ZNF451: variants seen among roughly 807,000 people sequenced by gnomAD.
The protein encoded by ZNF451 is E3 SUMO-protein ligase ZNF451.
A neutral mutation model predicts 107.1 loss-of-function variants in ZNF451; 80 were observed. The observed-to-expected ratio is 0.75, with a 90% CI of 0.62 to 0.90. The LOEUF (loss-of-function observed/expected upper bound fraction) is 0.90, where lower values mean the gene tolerates loss of function less well. Among genes scored for constraint, ZNF451 ranks in the 40% least tolerant of loss-of-function variants. The probability of loss-of-function intolerance (pLI) is 0.00; values close to 1 mark genes in which losing one functional copy is unlikely to be tolerated. For missense variants in ZNF451, 1,107 were observed against 1,236.2 expected, an observed-to-expected ratio of 0.90 and a Z score of 1.57; for synonymous variants, 362 against 406.5, an observed-to-expected ratio of 0.89 and a Z score of 1.32.
chr6:57,112,569 C>T (rs1188415456), intron 3 of ZNF451, among the ~76,000 whole-genome samples: 1 of 152,116 alleles, frequency 6.6e-6, no homozygotes, highest in Non-Finnish European at 1.5e-5. Flanking sequence ...TACCTTCTTC[C>T]CTCCTACAAA....
chr6:57,130,260 G>C (rs1186365562), intron 5 of ZNF451, among the ~76,000 whole-genome samples: 1 of 152,046 alleles, frequency 6.6e-6, no homozygotes, highest in Non-Finnish European at 1.5e-5. Context: ...AAATTATATG[G>C]CACTCCAGAT....
chr6:57,094,271 G>T (rs951686045), intron 2 of ZNF451, among the ~76,000 whole-genome samples: 1 of 151,958 alleles, frequency 6.6e-6, no homozygotes, highest in Non-Finnish European at 1.5e-5. Flanking sequence ...GTGGTATTGG[G>T]AATAGAATTC....
At chr6:57,165,424 G>C (rs993549660) in intron 14 of ZNF451, 6 of 151,972 alleles carry the variant, frequency 3.9e-5, no homozygotes, top group African/African-American at 1.5e-4. Context: ...TTTTCTTTCT[G>C]TTCCTCATAC....
chr6:57,112,989 T>A (rs1472048771), intron 3 of ZNF451, among the ~76,000 whole-genome samples: 2 of 152,200 alleles, frequency 1.3e-5, no homozygotes, highest in Non-Finnish European at 2.9e-5. Context: ...TTTTTGTTCC[T>A]TTTTCTTTTT....
chr6:57,119,348 G>A (rs2127955389), intron 3 of ZNF451, among the ~76,000 whole-genome samples: 1 of 152,278 alleles, frequency 6.6e-6, no homozygotes, highest in East Asian at 1.9e-4. Flanking sequence ...CCAACATGGA[G>A]AAACCCCATC....
intron 3 of ZNF451, chr6:57,103,740 A>G: frequency 2.0e-6 from 2 of 985,304 alleles, no homozygotes; most frequent in African/African-American, 1.7e-5. Context: ...GGAATATGGC[A>G]CTGTTTTACG....
At chr6:57,107,875 G>A (rs548359938) in intron 3 of ZNF451, 32 of 906,416 alleles carry the variant, frequency 3.5e-5, no homozygotes, top group Non-Finnish European at 3.9e-5. Context: ...GTCTTGCTCT[G>A]TCACCCAGGC....
At chr6:57,166,875 T>C (rs1052427363) in intron 14 of ZNF451, among the ~76,000 whole-genome samples, 26 of 152,338 alleles carry the variant, frequency 1.7e-4, no homozygotes, top group Middle Eastern at 3.4e-3. Flanking sequence ...TATAATCTTA[T>C]GGGACCACTG....
At chr6:57,109,783 G>A in intron 3 of ZNF451, 4 of 856,586 alleles carry the variant, frequency 4.7e-6, no homozygotes, top group Non-Finnish European at 5.6e-6. Context: ...TGTAGAATGA[G>A]GAGTTAGAGT....
intron 12 of ZNF451, among the ~76,000 whole-genome samples, chr6:57,153,621 C>T (rs1832450958): frequency 2.6e-5 from 4 of 152,038 alleles, no homozygotes; most frequent in Non-Finnish European, 5.9e-5. Context: ...CCATGTTGGC[C>T]GGGCTGGTCT....
At chr6:57,143,823 A>AT (rs977913417) in intron 9 of ZNF451, among the ~76,000 whole-genome samples, 1 of 152,174 alleles carries the variant, frequency 6.6e-6, no homozygotes, top group Non-Finnish European at 1.5e-5. Flanking sequence ...TGACAAATGG[A>AT]TTTTTTTAAC....
At position 57,168,625 on chromosome 6, in the gene ZNF451, G is replaced by A; in HGVS notation, c.*156G>A. Reference sequence around the variant, plus strand: ...ATGTTCAAAATCTGATCTTTGTTTTGTATTTTTGTGCTAATGTGCAAACAT... The same window carrying A: ...ATGTTCAAAATCTGATCTTTGTTTTATATTTTTGTGCTAATGTGCAAACAT... On this transcript the variant is annotated 3_prime_UTR_variant, in exon 15 of 15. Transcript: ENST00000370706. The A allele has an allele frequency of 1.5e-6, 1 of 649,818 alleles. No individual in the cohort carries two copies. Among genetic ancestry groups the A allele is most frequent in the Non-Finnish European group, 2.7e-6 (1 of 375,086 alleles). The allele number at this position is 649,818 out of a possible 1,614,324, so 40.3% of individuals were successfully genotyped here.
At chr6:57,141,187 A>G (rs1831738474) in intron 7 of ZNF451, 115 bp from the exon 8 acceptor site, 1 of 820,814 alleles carries the variant, frequency 1.2e-6, no homozygotes, top group African/African-American at 1.8e-5. Flanking sequence ...TTTCATGTTA[A>G]AAATTGATAC....
chr6:57,168,385 C>A, intron 14 of ZNF451, 38 bp from the exon 15 acceptor site: 1 of 1,456,190 alleles, frequency 6.9e-7, no homozygotes, highest in South Asian at 1.2e-5. Context: ...GTTGAGTTTT[C>A]TGCCCTAAGT....
chr6:57,101,141 C>T, intron 3 of ZNF451: 1 of 1,550,722 alleles, frequency 6.4e-7, no homozygotes, highest in Non-Finnish European at 8.7e-7. Flanking sequence ...TACAAATCAC[C>T]ATCAGCTGAT....
chr6:57,158,710 A>G, intron 13 of ZNF451: 1 of 985,468 alleles, frequency 1.0e-6, no homozygotes, highest in South Asian at 4.7e-5. Context: ...TTGGGCCAGT[A>G]TCTGCTCCCT....
chr6:57,119,880 A>T (rs1252398565), intron 3 of ZNF451, among the ~76,000 whole-genome samples: 4 of 151,466 alleles, frequency 2.6e-5, no homozygotes, highest in Non-Finnish European at 1.5e-5. Context: ...GTAGGTAAAC[A>T]GTGATTTATA....
chr6:57,126,471 T>C (rs1180361393), intron 4 of ZNF451: 1 of 152,196 alleles, frequency 6.6e-6, no homozygotes, highest in African/African-American at 2.4e-5. Flanking sequence ...TGAAGAATTC[T>C]AGTGAATGAT....
In ZNF451 at chr6:57,141,290, C is replaced by G. The variant is rs1337546101; in HGVS notation, c.703-12C>G. The G allele has an allele frequency of 6.3e-7, 1 of 1,589,760 alleles. No individual in the cohort carries two copies. The highest frequency in any genetic ancestry group is 8.6e-7 in the Non-Finnish European group (1 of 1,166,414). ...TTAGTTTTCCATAATACAGCTTTGT[C>G]TTATATTTTAGGAAGCCACAGATGA... On this transcript the variant is annotated splice_polypyrimidine_tract_variant and intron_variant, in intron 7 of 14. Coordinates refer to ENST00000370706, the MANE Select transcript of ZNF451 (RefSeq NM_001031623.3).
Sources: allele counts gnomAD v4.1 joint callset (sites outside exome capture counted in the v4.1 genomes callset), GRCh38; gene constraint gnomAD v4.1.1; transcripts MANE v1.5; gene names NCBI Gene and HGNC (gene_info 2026-07-23, HGNC 2026-07-21).